The following MARCHF1 variants were observed in gnomAD, a reference collection of about 807,000 sequenced individuals.
The protein encoded by MARCHF1 is E3 ubiquitin-protein ligase MARCHF1.
A neutral mutation model predicts 54.2 loss-of-function variants in MARCHF1; 40 were observed. The ratio of observed to expected loss-of-function variants is 0.74; its 90% CI spans 0.57 to 0.96. MARCHF1 has a LOEUF of 0.96. Among genes scored for constraint, MARCHF1 ranks in the 40% least tolerant of loss-of-function variants. The probability of loss-of-function intolerance (pLI) is 0.00; values close to 1 mark genes in which losing one functional copy is unlikely to be tolerated. For missense variants in MARCHF1, 586 were observed against 656.5 expected (o/e 0.89, Z 1.17); for synonymous variants, 236 against 236.3 (o/e 1.00, Z 0.01).
At chr4:163,850,682 G>C (rs935933399) in intron 4 of MARCHF1, among the ~76,000 whole-genome samples, 3 of 152,138 alleles carry the variant, frequency 2.0e-5, no homozygotes, top group Non-Finnish European at 4.4e-5. Context: ...AAGCCTTCTA[G>C]TTGCATAATG....
At chr4:163,913,093 A>G (rs1751230192) in intron 3 of MARCHF1, among the ~76,000 whole-genome samples, 1 of 152,200 alleles carries the variant, frequency 6.6e-6, no homozygotes, top group South Asian at 2.1e-4. Flanking sequence ...AGACATTCAA[A>G]GTGTAAGGCC....
Position 163,632,971 on chromosome 4 carries a change from C to CT in MARCHF1, c.163-19579_163-19578insA, listed in dbSNP as rs1410467869. ...CCTGAGCAGCCTAACTAGGAGGCGCCCCCCAGCAGGGGCACGCTGACACCT... is the reference window on the plus strand; with the variant it reads ...CCTGAGCAGCCTAACTAGGAGGCGCCTCCCCAGCAGGGGCACGCTGACACCT... On this transcript the variant is annotated intron_variant, in intron 5 of 9. Coordinates refer to ENST00000514618, the MANE Select transcript of MARCHF1 (RefSeq NM_001394959.1). Among the ~76,000 whole-genome samples, 310 of 152,204 alleles carry CT rather than the reference C, an allele frequency of 2.0e-3. 2 individuals are homozygous for CT. Among genetic ancestry groups the CT allele is most frequent in the African/African-American group, 6.9e-3 (288 of 41,534 alleles).
intron 1 of MARCHF1, among the ~76,000 whole-genome samples, chr4:164,145,644 A>G (rs1442754314): frequency 6.6e-6 from 1 of 152,140 alleles, no homozygotes; most frequent in Non-Finnish European, 1.5e-5. Context: ...AAAACTCTCA[A>G]TAAATTAGGT....
At chr4:163,633,072 A>G (rs1425215968) in intron 5 of MARCHF1, among the ~76,000 whole-genome samples, 1 of 151,414 alleles carries the variant, frequency 6.6e-6, no homozygotes. Context: ...AACAGAAAGG[A>G]CATCCACACC....
chr4:164,305,165 C>T (rs1734664386), intron 1 of MARCHF1, among the ~76,000 whole-genome samples: 1 of 152,012 alleles, frequency 6.6e-6, no homozygotes, highest in African/African-American at 2.4e-5. Context: ...GGGAAAGTGA[C>T]CCCCAAAATG....
intron 8 of MARCHF1, among the ~76,000 whole-genome samples, chr4:163,564,978 C>G (rs953547454): frequency 1.4e-4 from 22 of 152,058 alleles, no homozygotes; most frequent in African/African-American, 5.3e-4. Context: ...ACTCCCTAAA[C>G]TGGGCCTCGA....
chr4:164,316,655 A>G (rs1416621023), intron 1 of MARCHF1, among the ~76,000 whole-genome samples: 1 of 152,176 alleles, frequency 6.6e-6, no homozygotes, highest in East Asian at 1.9e-4. Flanking sequence ...ATTTTTGTTT[A>G]AAAAATACTT....
At chr4:163,890,599 A>G (rs1750640577) in intron 3 of MARCHF1, among the ~76,000 whole-genome samples, 1 of 152,194 alleles carries the variant, frequency 6.6e-6, no homozygotes. Context: ...GAAAGCTCAA[A>G]TGGGTGAATA....
In MARCHF1 at chr4:163,894,711, C is replaced by CAT. The variant is rs369826142; in HGVS notation, c.-38-40544_-38-40543dup. On this transcript the variant is annotated intron_variant, in intron 3 of 9. Coordinates refer to ENST00000514618, the MANE Select transcript of MARCHF1 (RefSeq NM_001394959.1). Reference sequence around the variant, plus strand: ...GATGCATATATATATGCATGTGATGCATATATATATGCATGTGATGCATAT... The same window carrying CAT: ...GATGCATATATATATGCATGTGATGCATATATATATATGCATGTGATGCATAT... 1.5e-3 allele frequency among the ~76,000 whole-genome samples: 34 copies of CAT among 22,032 alleles called. 11 individuals are homozygous for CAT. The highest frequency in any genetic ancestry group is 4.0e-3 in the South Asian group (3 of 758). The allele number at this position is 22,032 out of a possible 152,430, so 14.5% of individuals were successfully genotyped here.
intron 2 of MARCHF1, among the ~76,000 whole-genome samples, chr4:164,082,880 T>C (rs150582832): frequency 6.6e-6 from 1 of 152,310 alleles, no homozygotes; most frequent in East Asian, 1.9e-4. Flanking sequence ...GCACCAGCCA[T>C]GTGGAATATT....
intron 4 of MARCHF1, among the ~76,000 whole-genome samples, chr4:163,806,781 T>C (rs1194382411): frequency 6.6e-6 from 1 of 152,158 alleles, no homozygotes; most frequent in Non-Finnish European, 1.5e-5. Context: ...CTCACTTTTA[T>C]GGATCAATAA....
chr4:164,248,011 A>C (rs1733007574), intron 1 of MARCHF1, among the ~76,000 whole-genome samples: 1 of 151,798 alleles, frequency 6.6e-6, no homozygotes, highest in Non-Finnish European at 1.5e-5. Context: ...ACACTTAGTA[A>C]ACATGGGAAG....
At chr4:164,373,091 A>ATTAGGGAATTT (rs981522058) in intron 1 of MARCHF1, among the ~76,000 whole-genome samples, 3 of 152,164 alleles carry the variant, frequency 2.0e-5, no homozygotes, top group Admixed American at 2.0e-4. Context: ...CTTACTATTT[A>ATTAGGGAATTT]TTAGGGAATT....
chr4:164,259,012 T>C (rs1218597864), intron 1 of MARCHF1, among the ~76,000 whole-genome samples: 1 of 152,188 alleles, frequency 6.6e-6, no homozygotes, highest in Non-Finnish European at 1.5e-5. Flanking sequence ...AAAAAACATA[T>C]AAAAACTTCT....
At chr4:163,637,117 G>A (rs75437410) in intron 5 of MARCHF1, among the ~76,000 whole-genome samples, 56,971 of 147,728 alleles carry the variant, frequency 0.39, 11,843 homozygotes, top group East Asian at 0.59. Context: ...AAAGACTTAA[G>A]CGTTAGACCT....
intron 3 of MARCHF1, among the ~76,000 whole-genome samples, chr4:163,888,561 G>A (rs923996488): frequency 1.3e-5 from 2 of 152,038 alleles, no homozygotes; most frequent in African/African-American, 4.8e-5. Context: ...CTGATTATTT[G>A]CATTTTGAGT....
rs546053826 is a variant in MARCHF1 at position 163,720,755 on chromosome 4, G to T, written c.112-19892C>A. On this transcript the variant is annotated intron_variant, in intron 4 of 9. Coordinates refer to ENST00000514618, the MANE Select transcript of MARCHF1 (RefSeq NM_001394959.1). ...AAGAGGTCCTTCACATCCCTTGTAA[G>T]TTGGATTCCTAGGTATTTTATTCTC... 2.8e-4 allele frequency among the ~76,000 whole-genome samples: 42 copies of T among 152,278 alleles called. 1 individual carries two copies. The South Asian group carries it at 8.3e-3, about 30-fold the overall frequency.
At chr4:163,897,070 T>C (rs979346330) in intron 3 of MARCHF1, among the ~76,000 whole-genome samples, 3 of 152,202 alleles carry the variant, frequency 2.0e-5, no homozygotes, top group Non-Finnish European at 4.4e-5. Flanking sequence ...TATTCCAACA[T>C]AGTGGTCTGT....
chr4:164,033,541 A>C (rs1753927157), intron 2 of MARCHF1, among the ~76,000 whole-genome samples: 1 of 152,222 alleles, frequency 6.6e-6, no homozygotes, highest in African/African-American at 2.4e-5. Flanking sequence ...CAAAGGTCTA[A>C]TATCCAGAAT....
Sources: gnomAD v4.1 joint callset for allele counts (sites outside exome capture counted in the v4.1 genomes callset) on GRCh38, gnomAD v4.1.1 for gene constraint, MANE v1.5 for transcripts, NCBI Gene and HGNC (gene_info 2026-07-23, HGNC 2026-07-21) for gene names.